The following NELL1 variants were observed in gnomAD, a reference collection of about 807,000 sequenced individuals.
NELL1 encodes the protein neural EGFL like 1.
NELL1 carries 76 observed loss-of-function variants against 107.4 expected under a neutral mutation model. The observed-to-expected ratio is 0.71, with a 90% confidence interval of 0.59 to 0.86. The LOEUF is 0.86. Ranked by LOEUF, NELL1 falls within the 40% of genes least tolerant of loss-of-function variation. NELL1 has a pLI of 0.00. For synonymous variants in NELL1, 353 were observed against 341.2 expected, an observed-to-expected ratio of 1.03 and a Z score of -0.38; for missense variants, 1,024 against 1,005.5, an observed-to-expected ratio of 1.02 and a Z score of -0.25.
chr11:21,246,460 G>A (rs1422665452), intron 14 of NELL1, among the ~76,000 whole-genome samples: 1 of 152,130 alleles, frequency 6.6e-6, no homozygotes, highest in Non-Finnish European at 1.5e-5. Flanking sequence ...TTATAGTCAT[G>A]TATTACTTAA....
At chr11:20,874,589 A>C (rs972890358) in intron 4 of NELL1, among the ~76,000 whole-genome samples, 2 of 152,226 alleles carry the variant, frequency 1.3e-5, no homozygotes, top group African/African-American at 4.8e-5. Context: ...AGGAGGTGCT[A>C]ACTCAAAGGC....
chr11:20,752,379 A>G (rs897284936), intron 2 of NELL1, among the ~76,000 whole-genome samples: 2 of 152,140 alleles, frequency 1.3e-5, no homozygotes, highest in Non-Finnish European at 2.9e-5. Flanking sequence ...GAGAAACCCC[A>G]TCTCTACTAA....
intron 12 of NELL1, among the ~76,000 whole-genome samples, chr11:21,016,076 A>T (rs972756163): frequency 1.3e-5 from 2 of 152,100 alleles, no homozygotes; most frequent in South Asian, 2.1e-4. Context: ...TGTGGTGCTT[A>T]TCGGCATTAT....
intron 14 of NELL1, among the ~76,000 whole-genome samples, chr11:21,296,942 A>G (rs1849387838): frequency 6.6e-6 from 1 of 151,616 alleles, no homozygotes; most frequent in Non-Finnish European, 1.5e-5. Context: ...TAAATCAAAT[A>G]TTATACAGAT....
intron 14 of NELL1, among the ~76,000 whole-genome samples, chr11:21,297,937 G>A (rs992018329): frequency 1.3e-5 from 2 of 151,818 alleles, no homozygotes; most frequent in Non-Finnish European, 2.9e-5. Flanking sequence ...GGAGAGAAGA[G>A]GAGAGCAAAA....
At chr11:21,273,996 A>G (rs928767273) in intron 14 of NELL1, among the ~76,000 whole-genome samples, 1 of 152,216 alleles carries the variant, frequency 6.6e-6, no homozygotes, top group African/African-American at 2.4e-5. Context: ...TGCATCAACT[A>G]ACGAGCAAAA....
chr11:21,459,839 A>C (rs1304528324), intron 15 of NELL1, among the ~76,000 whole-genome samples: 5 of 152,208 alleles, frequency 3.3e-5, no homozygotes, highest in East Asian at 1.9e-4. Flanking sequence ...AGGGCTTTGT[A>C]TGCAGACCAA....
chr11:20,747,496 T>C (rs1856031307), intron 2 of NELL1, among the ~76,000 whole-genome samples: 1 of 152,164 alleles, frequency 6.6e-6, no homozygotes, highest in African/African-American at 2.4e-5. Context: ...TGAAACTGAG[T>C]AAATTATAAA....
At position 21,344,852 on chromosome 11, in the gene NELL1, G is replaced by A. The variant is rs570556206; in HGVS notation, c.1550-26001G>A. ...TGCAATGATAGTTGTTGTTTTATGA[G>A]CACCTTAATTATTCTGCTTCTCCAG... is the stretch of plus-strand genomic sequence containing the variant. On this transcript the variant is annotated intron_variant, in intron 14 of 19. Transcript: ENST00000357134. Among the ~76,000 whole-genome samples, 115 of 141,404 alleles carry A rather than the reference G, an allele frequency of 8.1e-4. 1 individual carries two copies. In the South Asian group the frequency reaches 0.026, roughly 32 times the overall value. 92.8% of individuals were successfully genotyped at this position (141,404 alleles called of 152,430 possible).
chr11:20,974,615 G>A (rs1851567421), intron 12 of NELL1, among the ~76,000 whole-genome samples: 1 of 151,976 alleles, frequency 6.6e-6, no homozygotes, highest in African/African-American at 2.4e-5. Flanking sequence ...TTTTGGTGCG[G>A]AGGGTAAACA....
intron 14 of NELL1, among the ~76,000 whole-genome samples, chr11:21,361,789 A>G (rs1298613902): frequency 6.6e-6 from 1 of 151,926 alleles, no homozygotes; most frequent in East Asian, 1.9e-4. Context: ...GAATGTTTCC[A>G]CTGAATTTTG....
chr11:20,796,559 C>CTATA (rs34488134), intron 3 of NELL1, among the ~76,000 whole-genome samples: 146,654 of 152,162 alleles, frequency 0.96, 70,918 homozygotes, highest in East Asian at 1. Flanking sequence ...AAAAATCTAT[C>CTATA]CTGCTTTTGA....
intron 12 of NELL1, among the ~76,000 whole-genome samples, chr11:21,086,135 C>G (rs910370299): frequency 6.6e-6 from 1 of 152,208 alleles, no homozygotes; most frequent in Non-Finnish European, 1.5e-5. Context: ...TTGCCCTCAT[C>G]CCTTGTAGGC....
At chr11:20,959,871 A>G (rs1851254545) in intron 11 of NELL1, among the ~76,000 whole-genome samples, 1 of 152,184 alleles carries the variant, frequency 6.6e-6, no homozygotes, top group African/African-American at 2.4e-5. Flanking sequence ...TTTCCCTCAT[A>G]TGGAGTTTAA....
At chr11:20,863,411 G>A (rs191898275) in intron 4 of NELL1, among the ~76,000 whole-genome samples, 5 of 83,702 alleles carry the variant, frequency 6.0e-5, no homozygotes, top group Non-Finnish European at 1.3e-4. Context: ...AGGCGGAGAC[G>A]CTCCTCACTT....
chr11:21,046,417 C>T (rs1853355285), intron 12 of NELL1, among the ~76,000 whole-genome samples: 1 of 152,110 alleles, frequency 6.6e-6, no homozygotes, highest in Non-Finnish European at 1.5e-5. Context: ...GTTTAGCATG[C>T]CTCAACTATA....
intron 2 of NELL1, among the ~76,000 whole-genome samples, chr11:20,728,670 G>A (rs1404856754): frequency 2.6e-5 from 4 of 151,334 alleles, no homozygotes; most frequent in African/African-American, 9.7e-5. Flanking sequence ...CTTGGTCTAT[G>A]TGTCTGTTTT....
chr11:20,937,700 T>G (rs1190752737), intron 9 of NELL1, 86 bp from the exon 10 acceptor site: 1 of 893,702 alleles, frequency 1.1e-6, no homozygotes, highest in Non-Finnish European at 1.9e-6. Context: ...TAGGTTTCTG[T>G]GGAATCTATT....
chr11:20,883,760 A>G (rs750060323), intron 4 of NELL1, among the ~76,000 whole-genome samples: 34 of 152,170 alleles, frequency 2.2e-4, no homozygotes, highest in Non-Finnish European at 2.9e-4. Context: ...TTGCATATTC[A>G]TCACACTTAA....
Sources: allele counts gnomAD v4.1 joint callset (sites outside exome capture counted in the v4.1 genomes callset), GRCh38; gene constraint gnomAD v4.1.1; transcripts MANE v1.5; gene names NCBI Gene and HGNC (gene_info 2026-07-23, HGNC 2026-07-21).